The following TMEM253 variants were observed in gnomAD, a reference collection of about 807,000 sequenced individuals.
The protein encoded by TMEM253 is transmembrane protein C14orf176.
Under a neutral mutation model 20.3 loss-of-function variants are expected in TMEM253, and 22 were observed. That is an observed-to-expected ratio of 1.08 (90% CI 0.78 to 1.55). The LOEUF (loss-of-function observed/expected upper bound fraction) is 1.55, where lower values mean the gene tolerates loss of function less well. TMEM253 is among the 40% of genes most tolerant of loss of function. TMEM253 has a pLI of 0.00. For synonymous variants in TMEM253, 92 were observed against 102.6 expected, an observed-to-expected ratio of 0.90 and a Z score of 0.62; for missense variants, 251 against 266.1, an observed-to-expected ratio of 0.94 and a Z score of 0.39.
exon 7 of TMEM253, chr14:21,103,416 C>A (rs1889775799): frequency 1.6e-6 from 2 of 1,234,872 alleles, no homozygotes; most frequent in Non-Finnish European, 1.1e-6. Flanking sequence ...TACACCTGGA[C>A]GAGAATATAT....
chr14:21,101,625 A>G, intron 2 of TMEM253, 174 bp downstream of exon 2: 1 of 683,762 alleles, frequency 1.5e-6, no homozygotes. Context: ...CAAGACCCTT[A>G]ATCTCCCAAG....
At chr14:21,101,539 G>T in intron 2 of TMEM253, 88 bp downstream of exon 2, 1 of 1,247,984 alleles carries the variant, frequency 8.0e-7, no homozygotes, top group Non-Finnish European at 1.1e-6. Flanking sequence ...TGTTAAGTGA[G>T]CACCTACCAT....
intron 6 of TMEM253, 55 bp from the exon 7 acceptor site, chr14:21,103,084 G>C (rs1889749377): frequency 1.3e-6 from 2 of 1,550,876 alleles, no homozygotes; most frequent in Admixed American, 2.0e-5. Flanking sequence ...GTTTCTGTCT[G>C]GGGTTTCTCC....
At chr14:21,099,734 A>G (rs758185214), upstream of TMEM253, among the ~76,000 whole-genome samples, 5 of 152,230 alleles carry the variant, frequency 3.3e-5, no homozygotes, top group Non-Finnish European at 5.9e-5. Context: ...TCCATGCTGA[A>G]AGCAACCCCT....
upstream of TMEM253, among the ~76,000 whole-genome samples, chr14:21,100,311 AGCCATGATCAT>A (rs988710169): frequency 1.3e-5 from 2 of 152,196 alleles, no homozygotes; most frequent in African/African-American, 4.8e-5. Flanking sequence ...GGCTACAGTG[AGCCATGATCAT>A]GCCACTGCAC....
At chr14:21,101,498 C>T (rs1374734197) in intron 2 of TMEM253, 47 bp downstream of exon 2, 13 of 1,494,842 alleles carry the variant, frequency 8.7e-6, no homozygotes, top group Non-Finnish European at 1.2e-5. Flanking sequence ...TCCACTTCTA[C>T]CCAATTCAAT....
chr14:21,103,375 C>CT lies in TMEM253; in HGVS notation c.*123dup, dbSNP rs980856772. ...CTTCAGTTTTCACTCAAAGCAGGCC[C>CT]TTTTTTCGTTCCTTCCCTGTTAGGG... On this transcript the variant is annotated 3_prime_UTR_variant, in exon 7 of 7. Transcript: ENST00000556585. 6 of 1,437,074 alleles carry CT rather than the reference C, an allele frequency of 4.2e-6. No individual in the cohort carries two copies. In the African/African-American group the frequency reaches 8.6e-5, roughly 21 times the overall value. 89.0% of individuals were successfully genotyped at this position (1,437,074 alleles called of 1,614,324 possible). A position where few individuals can be genotyped will look rare whatever the true frequency, so the allele number is the denominator to read the frequency against.
At chr14:21,103,437 C>G in exon 7 of TMEM253, 1 of 1,046,144 alleles carries the variant, frequency 9.6e-7, no homozygotes, top group South Asian at 1.7e-5. Context: ...CCTCACCTCA[C>G]CACCCTGAAA....
chr14:21,102,593 G>A (rs1193058712), intron 5 of TMEM253, 40 bp from the exon 6 acceptor site: 1 of 1,551,154 alleles, frequency 6.4e-7, no homozygotes, highest in South Asian at 1.2e-5. Flanking sequence ...GGGGCAAACA[G>A]GTGCGGGGTC....
chr14:21,102,730 A>G (rs1409549128), exon 6 of TMEM253: 1 of 1,551,434 alleles, frequency 6.4e-7, no homozygotes, highest in East Asian at 2.4e-5. Flanking sequence ...AGCCAGAGGA[A>G]ACCAGGATGC....
exon 4 of TMEM253, chr14:21,102,104 C>T: frequency 1.3e-6 from 2 of 1,550,512 alleles, no homozygotes; most frequent in Middle Eastern, 1.7e-4. Context: ...CTTCGCAGAG[C>T]ACCCCGCCTT....
exon 7 of TMEM253, chr14:21,103,392 CTG>C: frequency 7.2e-7 from 1 of 1,388,722 alleles, no homozygotes; most frequent in Non-Finnish European, 9.5e-7. Context: ...CGTTCCTTCC[CTG>C]TTAGGGGAAG....
At position 21,102,780 on chromosome 14, in the gene TMEM253, G is replaced by A. The variant is rs966464528; in HGVS notation, c.534+1G>A. ...TCTGCACTATCAAGAGCTGCAGGAGGTATGGGGGCAGGGAAGAAAGCACGA... is the reference window on the plus strand; with the variant it reads ...TCTGCACTATCAAGAGCTGCAGGAGATATGGGGGCAGGGAAGAAAGCACGA... On this transcript the variant is annotated splice_donor_variant, in intron 6 of 6. Coordinates refer to ENST00000556585, the Ensembl canonical transcript of TMEM253. LOFTEE classifies it high-confidence loss of function. The A allele has an allele frequency of 9.7e-6, 15 of 1,548,610 alleles. No individual in the cohort carries two copies. The highest frequency in any genetic ancestry group is 3.6e-5 in the South Asian group (3 of 84,046).
At chr14:21,101,955 C>A (rs1468058940) in exon 3 of TMEM253, 5 of 1,551,552 alleles carry the variant, frequency 3.2e-6, no homozygotes, top group Non-Finnish European at 4.4e-6. Flanking sequence ...CACAGCGCTG[C>A]CTCTTGGGCC....
At chr14:21,103,259 G>C in exon 7 of TMEM253, 1 of 1,551,062 alleles carries the variant, frequency 6.4e-7, no homozygotes, top group Admixed American at 2.0e-5. Flanking sequence ...TCCACCCTGA[G>C]AGAATGCTCT....
rs374427336 is a variant in TMEM253, at chr14:21,101,935, G to C, written c.179G>C (p.Cys60Ser). 354 of 1,551,530 alleles carry C rather than the reference G, an allele frequency of 2.3e-4. 1 individual carries two copies. Among genetic ancestry groups the C allele is most frequent in the Non-Finnish European group, 2.1e-4 (243 of 1,146,998 alleles). The change falls in exon 3 of 7, where the codon TGT becomes TCT. Residue 60 changes from cysteine (C) to serine (S), a missense_variant. By Grantham distance (112) the Cys-to-Ser change is moderately radical. Coordinates refer to ENST00000556585, the Ensembl canonical transcript of TMEM253. ...TCAGTCGCCTGCCTGAACTCTGATT[G>C]TCACATGGCCACAGCGCTGCCTCTT...
exon 7 of TMEM253, chr14:21,103,520 G>A: frequency 1.3e-5 from 6 of 470,262 alleles, no homozygotes; most frequent in Non-Finnish European, 2.2e-5. Context: ...TTGCCTCATC[G>A]CACTTTTCTT....
exon 7 of TMEM253, chr14:21,103,257 G>A: frequency 6.4e-7 from 1 of 1,551,150 alleles, no homozygotes; most frequent in Non-Finnish European, 8.7e-7. Context: ...CTTCCACCCT[G>A]AGAGAATGCT....
chr14:21,103,212 G>A (rs1356566505), exon 7 of TMEM253: 3 of 1,551,576 alleles, frequency 1.9e-6, no homozygotes, highest in African/African-American at 2.7e-5. Context: ...GCAAATGAGA[G>A]GGTGGGACAG....
Sources: gnomAD v4.1 joint callset for allele counts (sites outside exome capture counted in the v4.1 genomes callset) on GRCh38, gnomAD v4.1.1 for gene constraint, MANE v1.5 for transcripts, NCBI Gene and HGNC (gene_info 2026-07-23, HGNC 2026-07-21) for gene names.